CBR4: variants seen among roughly 807,000 people sequenced by gnomAD.
CBR4 encodes carbonyl reductase 4.
CBR4 carries 22 observed loss-of-function variants against 21.0 expected under a neutral mutation model. The observed-to-expected ratio is 1.05, with a 90% CI of 0.75 to 1.50. CBR4 has a LOEUF of 1.50. Ranked by LOEUF, CBR4 falls within the 40% of genes most tolerant of loss-of-function variation. The probability of loss-of-function intolerance (pLI) is 0.00; values close to 1 mark genes in which losing one functional copy is unlikely to be tolerated. For missense variants in CBR4, 302 were observed against 286.3 expected (o/e 1.05, Z -0.40); for synonymous variants, 100 against 104.4 (o/e 0.96, Z 0.26).
rs1765232502 is a variant in CBR4, at chr4:168,996,897, A to T, written c.535+5174T>A. Among the ~76,000 whole-genome samples, 4 of 152,320 alleles carry T rather than the reference A, an allele frequency of 2.6e-5. No homozygotes were observed. In the South Asian group the frequency reaches 8.3e-4, roughly 32 times the overall value. ...TATAAATATATTCACAACCCAGGAC[A>T]TGACATATAAATGGTCTCTTAGGTT... On this transcript the variant is annotated intron_variant, in intron 4 of 4. Coordinates refer to ENST00000306193, the MANE Select transcript of CBR4 (RefSeq NM_032783.5).
chr4:168,993,278 T>G (rs545051261), intron 4 of CBR4, among the ~76,000 whole-genome samples: 1 of 151,550 alleles, frequency 6.6e-6, no homozygotes, highest in Admixed American at 6.6e-5. Flanking sequence ...TGGTGCGATC[T>G]AGGCTCACCG....
In CBR4 at chr4:168,988,523, G is replaced by C. The variant is rs146116049; in HGVS notation, c.*1627C>G. ...TAGCCAAAGGCCAGCAATTGAGACAGCATTAGAGAAACTATCTACTATGTC... is the reference window on the plus strand; with the variant it reads ...TAGCCAAAGGCCAGCAATTGAGACACCATTAGAGAAACTATCTACTATGTC... On this transcript the variant is annotated 3_prime_UTR_variant, in exon 5 of 5. Coordinates refer to ENST00000306193, the MANE Select transcript of CBR4 (RefSeq NM_032783.5). 3,175 of 985,340 alleles carry C rather than the reference G, an allele frequency of 3.2e-3. 14 individuals carry two copies. Among genetic ancestry groups the C allele is most frequent in the Admixed American group, 5.3e-3 (86 of 16,274 alleles). 61.0% of individuals were successfully genotyped at this position (985,340 alleles called of 1,614,324 possible).
chr4:168,898,511 T>G, intron 2 of CBR4: 1 of 1,611,856 alleles, frequency 6.2e-7, no homozygotes, highest in Non-Finnish European at 8.5e-7. Context: ...AGTCTCCAGC[T>G]GTGAACAGAG....
At chr4:168,991,080 GT>G (rs1307485062) in intron 4 of CBR4, among the ~76,000 whole-genome samples, 1 of 151,924 alleles carries the variant, frequency 6.6e-6, no homozygotes, top group African/African-American at 2.4e-5. Context: ...AAACAAAATA[GT>G]TTTGTTAGTA....
intron 2 of CBR4, among the ~76,000 whole-genome samples, chr4:168,962,452 G>A (rs1306669583): frequency 6.6e-6 from 1 of 152,200 alleles, no homozygotes; most frequent in Admixed American, 6.5e-5. Flanking sequence ...TGATTAATGA[G>A]TAAATGTACG....
chr4:168,994,913 C>CCACACCA (rs1405279767), intron 4 of CBR4, among the ~76,000 whole-genome samples: 4 of 152,058 alleles, frequency 2.6e-5, no homozygotes, highest in Non-Finnish European at 1.5e-5. Flanking sequence ...CATCACCACA[C>CCACACCA]CAGGCTAATT....
chr4:168,930,750 A>G lies in CBR4; in HGVS notation n.170-35985T>C, dbSNP rs141690474. Among the ~76,000 whole-genome samples the G allele has an allele frequency of 1.5e-3, 236 of 152,286 alleles. 1 individual carries two copies. The highest frequency in any genetic ancestry group is 5.4e-3 in the African/African-American group (223 of 41,556). ...CCCAACTCTGACTGGCCTGGAGTCA[A>G]GAGGAGAAACTTTCCTTTGCTGGGA... On this transcript the variant is annotated intron_variant and non_coding_transcript_variant, in intron 2 of 3. Transcript: ENST00000509108.
intron 2 of CBR4, among the ~76,000 whole-genome samples, chr4:168,950,456 A>C (rs1763508814): frequency 1.3e-5 from 2 of 152,056 alleles, no homozygotes; most frequent in African/African-American, 4.8e-5. Flanking sequence ...GGTCTGAGAG[A>C]GTGCTTGATA....
chr4:168,926,660 TA>T (rs776608363), intron 2 of CBR4: 14 of 367,842 alleles, frequency 3.8e-5, no homozygotes, highest in Non-Finnish European at 5.5e-5. Flanking sequence ...GCCAAAATAC[TA>T]AAGGAAATCA....
intron 2 of CBR4, among the ~76,000 whole-genome samples, chr4:168,932,991 T>G (rs932232370): frequency 2.0e-5 from 3 of 151,730 alleles, no homozygotes; most frequent in African/African-American, 7.3e-5. Flanking sequence ...ACAAATGAAA[T>G]TATAAAATTC....
intron 2 of CBR4, among the ~76,000 whole-genome samples, chr4:168,922,553 C>A (rs113326442): frequency 0.017 from 2,621 of 152,230 alleles, 62 homozygotes; most frequent in African/African-American, 0.044. Context: ...AAACACACTA[C>A]GTCACTGAGC....
intron 2 of CBR4, among the ~76,000 whole-genome samples, chr4:168,944,834 T>C (rs987135860): frequency 6.6e-6 from 1 of 152,054 alleles, no homozygotes; most frequent in Non-Finnish European, 1.5e-5. Flanking sequence ...CAATTGTTTC[T>C]TACTGACTCT....
At position 168,971,145 on chromosome 4, in the gene CBR4, ATTTTTT is replaced by A. The variant is rs896690277; in HGVS notation, n.169+30920_169+30925del. 4.6e-4 allele frequency among the ~76,000 whole-genome samples: 70 copies of A among 152,026 alleles called. 1 individual carries two copies. The highest frequency in any genetic ancestry group is 1.5e-3 in the African/African-American group (64 of 41,496). On this transcript the variant is annotated intron_variant and non_coding_transcript_variant, in intron 2 of 3. Transcript: ENST00000509108. The stretch of plus-strand genomic sequence containing the variant: ...CTATGCCAACATCTATTATTTTTTT[ATTTTTT>A]AATTATGGCCATTCTTGTAGGAATA...
rs372473375 is a variant in CBR4, at chr4:169,006,111, T to C, written c.400+644A>G. Among the ~76,000 whole-genome samples, 33 of 152,180 alleles carry C rather than the reference T, an allele frequency of 2.2e-4. No individual in the cohort carries two copies. In the East Asian group the frequency reaches 2.5e-3, roughly 12 times the overall value. On this transcript the variant is annotated intron_variant, in intron 3 of 4. Coordinates refer to ENST00000306193, the MANE Select transcript of CBR4 (RefSeq NM_032783.5). ...ATCCATTCTTAAAAACAGAGAAATT[T>C]TATCTTCCTTTAAACCTCTACACAA...
intron 4 of CBR4, 108 bp from the exon 5 acceptor site, chr4:168,990,436 TAA>T (rs966687743): frequency 1.9e-4 from 183 of 978,696 alleles, no homozygotes; most frequent in Non-Finnish European, 2.3e-4. Flanking sequence ...TGAAATTATT[TAA>T]AAAAAAATTT....
At chr4:168,906,089 A>C (rs905212997) in intron 2 of CBR4, among the ~76,000 whole-genome samples, 7 of 152,154 alleles carry the variant, frequency 4.6e-5, no homozygotes, top group Non-Finnish European at 8.8e-5. Flanking sequence ...AAAATGGTGG[A>C]GAACTGACAA....
chr4:169,003,354 A>AC (rs1730626149), intron 3 of CBR4, among the ~76,000 whole-genome samples: 1 of 152,180 alleles, frequency 6.6e-6, no homozygotes, highest in East Asian at 1.9e-4. Context: ...GCAGAATTAC[A>AC]AGTGGAGCCT....
rs558528357 is a variant in CBR4 at position 168,924,566 on chromosome 4, A to G, written n.170-29801T>C. The stretch of plus-strand genomic sequence containing the variant: ...ATGAAATCAATCAAAGACAAAAACC[A>G]TGCGTTACCCAATGTAGGATTAAGC... On this transcript the variant is annotated intron_variant and non_coding_transcript_variant, in intron 2 of 3. Coordinates refer to the CBR4 transcript ENST00000509108. 2.6e-3 allele frequency: 2,213 copies of G among 847,444 alleles called. 21 individuals are homozygous for G. The highest frequency in any genetic ancestry group is 0.017 in the South Asian group (1,154 of 67,964). 52.5% of individuals were successfully genotyped at this position (847,444 alleles called of 1,614,324 possible). A position where few individuals can be genotyped will look rare whatever the true frequency, so the allele number is the denominator to read the frequency against.
chr4:168,976,434 C>T (rs1764373189), intron 2 of CBR4, among the ~76,000 whole-genome samples: 1 of 152,170 alleles, frequency 6.6e-6, no homozygotes. Flanking sequence ...ATTTCACCTG[C>T]GTGCAGGTGG....
Sources: allele counts gnomAD v4.1 joint callset (sites outside exome capture counted in the v4.1 genomes callset), GRCh38; gene constraint gnomAD v4.1.1; transcripts MANE v1.5; gene names NCBI Gene and HGNC (gene_info 2026-07-23, HGNC 2026-07-21).